XPO7: variants seen among roughly 807,000 people sequenced by gnomAD.
The protein encoded by XPO7 is exportin 7.
In XPO7, 21 loss-of-function variants were observed where a neutral mutation model predicts 144.3. That is an observed-to-expected ratio of 0.15 (90% CI 0.10 to 0.21). XPO7 has a LOEUF of 0.21. Among genes scored for constraint, XPO7 ranks in the 10% least tolerant of loss-of-function variants. The pLI, the probability that XPO7 is intolerant of heterozygous loss-of-function variation, is 1.00. For missense variants in XPO7, 808 were observed against 1,325.8 expected (o/e 0.61, Z 6.06); for synonymous variants, 580 against 499.6 (o/e 1.16, Z -2.15).
intron 1 of XPO7, among the ~76,000 whole-genome samples, chr8:21,946,303 T>C (rs529608689): frequency 1.3e-5 from 2 of 151,914 alleles, no homozygotes; most frequent in East Asian, 3.9e-4. Flanking sequence ...AAAGGAAAAA[T>C]AAGCAACCAA....
Position 21,977,755 on chromosome 8 carries a change from CT to C in XPO7, c.764-10del, listed in dbSNP as rs1335940130. The C allele has an allele frequency of 6.2e-7, 1 of 1,613,380 alleles. No individual in the cohort carries two copies. The highest frequency in any genetic ancestry group is 1.1e-5 in the South Asian group (1 of 90,974). ...TACTTAATAAAGTGATGTCTTTTGT[CT>C]TTTTCTTCCCCAGCCTTCTTAGATT... On this transcript the variant is annotated splice_polypyrimidine_tract_variant and intron_variant, in intron 7 of 27. Coordinates refer to ENST00000252512, the MANE Select transcript of XPO7 (RefSeq NM_015024.5).
At chr8:22,004,919 T>TAAAA in intron 27 of XPO7, 76 bp from the exon 28 acceptor site, 3 of 275,012 alleles carry the variant, frequency 1.1e-5, no homozygotes, top group South Asian at 6.4e-5. Flanking sequence ...TCCCATGCTT[T>TAAAA]AAAAAAAAAA....
chr8:21,946,243 A>T (rs761251280), intron 1 of XPO7, among the ~76,000 whole-genome samples: 10 of 152,244 alleles, frequency 6.6e-5, no homozygotes, highest in Non-Finnish European at 1.2e-4. Context: ...CTGGAAAATC[A>T]TCAGATACAG....
intron 15 of XPO7, 28 bp from the exon 16 acceptor site, chr8:21,988,974 CT>C: frequency 6.2e-7 from 1 of 1,604,436 alleles, no homozygotes; most frequent in Non-Finnish European, 8.5e-7. Flanking sequence ...AAAGGGTCTC[CT>C]GCTTTTTTTT....
intron 1 of XPO7, among the ~76,000 whole-genome samples, chr8:21,933,988 A>C (rs1005376091): frequency 1.3e-5 from 2 of 152,232 alleles, no homozygotes; most frequent in African/African-American, 4.8e-5. Flanking sequence ...ATAATGAAAG[A>C]AAATGTACAA....
At chr8:21,970,736 C>G (rs1812029586) in intron 4 of XPO7, among the ~76,000 whole-genome samples, 1 of 152,120 alleles carries the variant, frequency 6.6e-6, no homozygotes, top group South Asian at 2.1e-4. Context: ...GCTTGCACTT[C>G]ATGATGATGT....
At chr8:21,937,156 T>C (rs1194539521) in intron 1 of XPO7, among the ~76,000 whole-genome samples, 1 of 152,220 alleles carries the variant, frequency 6.6e-6, no homozygotes, top group African/African-American at 2.4e-5. Context: ...AGAAAGTGTT[T>C]AGATTAACGA....
intron 1 of XPO7, among the ~76,000 whole-genome samples, chr8:21,957,831 T>G (rs189293348): frequency 6.6e-6 from 1 of 152,228 alleles, no homozygotes. Flanking sequence ...TTGCTTTGCC[T>G]TCTTGTTTCA....
chr8:21,928,097 C>T (rs1810522223), intron 1 of XPO7, among the ~76,000 whole-genome samples: 1 of 152,202 alleles, frequency 6.6e-6, no homozygotes, highest in Non-Finnish European at 1.5e-5. Context: ...TCTGTTCCTC[C>T]CTCAGCTCTC....
intron 1 of XPO7, among the ~76,000 whole-genome samples, chr8:21,921,120 A>G (rs1190414954): frequency 6.6e-6 from 1 of 152,252 alleles, no homozygotes; most frequent in African/African-American, 2.4e-5. Context: ...CAGAAGTGAC[A>G]GTAAAAGTTG....
intron 8 of XPO7, among the ~76,000 whole-genome samples, chr8:21,978,186 C>G (rs1472571839): frequency 6.6e-6 from 1 of 152,138 alleles, no homozygotes; most frequent in Non-Finnish European, 1.5e-5. Context: ...ATTGTCCTGA[C>G]TCAGAAAACC....
intron 1 of XPO7, among the ~76,000 whole-genome samples, chr8:21,955,142 GTA>G (rs1434517475): frequency 3.9e-5 from 6 of 152,202 alleles, no homozygotes; most frequent in African/African-American, 1.2e-4. Flanking sequence ...TGCCTGGCCT[GTA>G]TAATCTTTCA....
chr8:21,970,122 G>GT, intron 3 of XPO7, 22 bp from the exon 4 acceptor site: 10 of 1,601,448 alleles, frequency 6.2e-6, no homozygotes, highest in Non-Finnish European at 8.5e-6. Context: ...GATTGGTTTT[G>GT]TTTCTTGTTT....
At position 21,951,027 on chromosome 8, in the gene XPO7, C is replaced by T. The variant is rs1026864514; in HGVS notation, c.19-15830C>T. 5.3e-5 allele frequency among the ~76,000 whole-genome samples: 8 copies of T among 151,962 alleles called. No individual in the cohort carries two copies. In the South Asian group the frequency reaches 8.3e-4, roughly 16 times the overall value. On this transcript the variant is annotated intron_variant, in intron 1 of 27. Transcript: ENST00000252512. ...CCTGTAATCACAGCTACCCAAGAGG[C>T]GGAGGCTGGGGTGAGCCGAGGTCAC...
intron 2 of XPO7, 118 bp from the exon 3 acceptor site, chr8:21,969,365 T>A: frequency 1.2e-6 from 1 of 828,320 alleles, no homozygotes; most frequent in South Asian, 1.7e-5. Flanking sequence ...ATCCAGAGGA[T>A]CAAATCTGCC....
intron 21 of XPO7, among the ~76,000 whole-genome samples, chr8:21,996,796 TTTTA>T (rs887300009): frequency 2.6e-5 from 4 of 152,052 alleles, no homozygotes; most frequent in South Asian, 2.1e-4. Flanking sequence ...TTTATTTTTA[TTTTA>T]TTTATTTATT....
intron 1 of XPO7, among the ~76,000 whole-genome samples, chr8:21,956,204 G>A (rs1348165926): frequency 2.0e-5 from 3 of 152,162 alleles, no homozygotes; most frequent in Non-Finnish European, 4.4e-5. Flanking sequence ...CTATGCTGGA[G>A]CTCTTTCTCT....
At chr8:21,988,508 T>C (rs956155495) in intron 15 of XPO7, 8 of 161,088 alleles carry the variant, frequency 5.0e-5, no homozygotes, top group Non-Finnish European at 9.5e-5. Flanking sequence ...ACATTTTGCC[T>C]CCTACCAACT....
intron 1 of XPO7, among the ~76,000 whole-genome samples, chr8:21,948,054 T>A (rs1441620773): frequency 6.6e-6 from 1 of 152,230 alleles, no homozygotes; most frequent in Non-Finnish European, 1.5e-5. Flanking sequence ...AGAGTAAGTT[T>A]AGAATAGATT....
Sources: allele counts gnomAD v4.1 joint callset (sites outside exome capture counted in the v4.1 genomes callset), GRCh38; gene constraint gnomAD v4.1.1; transcripts MANE v1.5; gene names NCBI Gene and HGNC (gene_info 2026-07-23, HGNC 2026-07-21).